Variants in MYH11 observed in about 807,000 individuals in gnomAD.
MYH11 encodes the protein myosin-11.
In MYH11, 80 loss-of-function variants were observed where a neutral mutation model predicts 246.6. That is an observed-to-expected ratio of 0.32 (90% confidence interval 0.27 to 0.39). MYH11 has a LOEUF of 0.39. Among genes scored for constraint, MYH11 ranks in the 10% least tolerant of loss-of-function variants. The pLI is 1.00. For missense variants in MYH11, 2,158 were observed against 2,546.8 expected (o/e 0.85, Z 3.29); for synonymous variants, 1,071 against 1,015.5 (o/e 1.05, Z -1.04).
Position 15,719,603 on chromosome 16 carries a change from G to T in MYH11, c.5064C>A (p.Asp1688Glu), listed in dbSNP as rs751375975. 3 of 1,614,050 alleles carry T rather than the reference G, an allele frequency of 1.9e-6. No homozygotes were observed. The African/African-American group carries it at 4.0e-5, about 22-fold the overall frequency. Residue 1688 changes from aspartate (D) to glutamate (E), a missense_variant, in exon 35 of 41, where the codon GAC becomes GAA. Around this residue, in one of 11 missense-constraint regions of MYH11, gnomAD observed 1,013 missense variants for 993.5 expected, o/e 1.02. Coordinates refer to ENST00000300036, the MANE Select transcript of MYH11 (RefSeq NM_002474.3). ...NEKKAKSLEA[D>E]LMQLQEDLAA... ...GCTTTACCTCTTGTAGCTGCATGAG[G>T]TCTGCTTCCAAGCTCTTGGCTTTCT...
chr16:15,732,436 T>A, intron 27 of MYH11, 128 bp downstream of exon 27: 2 of 1,360,434 alleles, frequency 1.5e-6, no homozygotes, highest in Non-Finnish European at 2.1e-6. Flanking sequence ...TATAAGCTGC[T>A]ATCATCATCA....
Position 15,703,957 on chromosome 16 carries a change from T to C in MYH11, c.*34A>G, listed in dbSNP as rs1293246149. 6.2e-7 allele frequency: 1 copy of C among 1,613,766 alleles called. No homozygotes were observed. The highest frequency in any genetic ancestry group is 2.2e-5 in the East Asian group (1 of 44,862). On this transcript the variant is annotated 3_prime_UTR_variant, in exon 41 of 41. Transcript: ENST00000300036. ...TTGTTTGTTTGTTTTGGTTTTTGGT[T>C]TTCTTGCCGTGGTGCAAAACTGTAG...
intron 36 of MYH11, 56 bp from the exon 37 acceptor site, chr16:15,718,494 C>T: frequency 6.5e-7 from 1 of 1,534,532 alleles, no homozygotes; most frequent in Non-Finnish European, 8.7e-7. Flanking sequence ...TTAAAAGATG[C>T]CCCCTCCTTG....
At chr16:15,856,088 T>C (rs2044460398) in intron 1 of MYH11, among the ~76,000 whole-genome samples, 2 of 152,276 alleles carry the variant, frequency 1.3e-5, no homozygotes, top group Admixed American at 6.5e-5. Context: ...GAGAGTGGCA[T>C]TGACACAGGT....
In MYH11 at chr16:15,724,259, T is replaced by A; in HGVS notation, c.4267A>T (p.Asn1423Tyr). The change falls in exon 31 of 41, where the codon AAC becomes TAC. Residue 1423 changes from asparagine (N) to tyrosine (Y), a missense_variant. Transcript: ENST00000300036. ...TCGTCCAGCTCCTGCTGAAGCCTGT[T>A]CTTGGTCTTTTCCAGTTTATCATAA... is the stretch of plus-strand genomic sequence containing the variant. ...AAYDKLEKTK[N>Y]RLQQELDDLV... is the part of the protein sequence containing the mutation. The A allele has an allele frequency of 6.2e-7, 1 of 1,614,200 alleles. No individual in the cohort carries two copies. Among genetic ancestry groups the A allele is most frequent in the Non-Finnish European group, 8.5e-7 (1 of 1,180,036 alleles).
chr16:15,763,741 T>TCCGG, intron 10 of MYH11, 55 bp downstream of exon 10: 20 of 646,842 alleles, frequency 3.1e-5, no homozygotes, highest in East Asian at 6.3e-5. Flanking sequence ...AAATGTCACC[T>TCCGG]CCCCCACCCC....
rs554624874 is a variant in MYH11 at position 15,762,173 on chromosome 16, C to T, written c.1130-1515G>A. ...TATTTTTAGTAGAGATGGGGTTTCA[C>T]CATGTTGGCGAGGCTGGTCTTGAAC... On this transcript the variant is annotated intron_variant, in intron 10 of 40. Transcript: ENST00000300036. Among the ~76,000 whole-genome samples, 7 of 152,248 alleles carry T rather than the reference C, an allele frequency of 4.6e-5. No homozygotes were observed. The East Asian group carries it at 1.4e-3, about 29-fold the overall frequency.
intron 20 of MYH11, among the ~76,000 whole-genome samples, 194 bp downstream of exon 20, chr16:15,744,935 A>G (rs1453680479): frequency 2.0e-5 from 3 of 152,232 alleles, no homozygotes; most frequent in Non-Finnish European, 4.4e-5. Context: ...ACTTTGTGTT[A>G]AGGTCCTGGC....
chr16:15,795,786 T>A (rs1269454777), intron 4 of MYH11, among the ~76,000 whole-genome samples: 3 of 152,190 alleles, frequency 2.0e-5, no homozygotes, highest in Non-Finnish European at 4.4e-5. Context: ...CATTTCATCC[T>A]TCCAACAACC....
intron 7 of MYH11, among the ~76,000 whole-genome samples, chr16:15,778,078 T>C (rs2151298282): frequency 6.6e-6 from 1 of 152,270 alleles, no homozygotes; most frequent in East Asian, 1.9e-4. Flanking sequence ...GCCTGAGCCC[T>C]AGGGCCGCCT....
Position 15,837,931 on chromosome 16 carries a change from G to A in MYH11, c.322C>T (p.Arg108Trp), listed in dbSNP as rs2043943581. The A allele has an allele frequency of 1.2e-6, 2 of 1,613,864 alleles. No individual in the cohort carries two copies. Among genetic ancestry groups the A allele is most frequent in the Non-Finnish European group, 1.7e-6 (2 of 1,179,836 alleles). ...EASVLHNLRE[R>W]YFSGLIYTYS... ...ACATATATTAGCCCTGAGAAGTACC[G>A]CTCCCTCAGGTTGTGTAGCACGGAG... Residue 108 changes from arginine to tryptophan, a missense_variant, in exon 2 of 41, where the codon CGG (arginine) becomes TGG (tryptophan). Physicochemically the swap from Arg to Trp is moderately radical, Grantham distance 101. Coordinates refer to ENST00000300036, the MANE Select transcript of MYH11 (RefSeq NM_002474.3).
At chr16:15,763,741 T>TCGGCCCCCCCCCCCCCC in intron 10 of MYH11, 55 bp downstream of exon 10, 3 of 646,850 alleles carry the variant, frequency 4.6e-6, no homozygotes, top group Admixed American at 2.1e-5. Flanking sequence ...AAATGTCACC[T>TCGGCCCCCCCCCCCCCC]CCCCCACCCC....
At chr16:15,786,515 G>T in intron 5 of MYH11, 115 bp downstream of exon 5, 1 of 992,834 alleles carries the variant, frequency 1.0e-6, no homozygotes, top group Non-Finnish European at 1.6e-6. Flanking sequence ...TCAGGGGAGG[G>T]GTAGTCAGAT....
At chr16:15,828,298 A>T (rs1157091726) in intron 2 of MYH11, among the ~76,000 whole-genome samples, 1 of 152,170 alleles carries the variant, frequency 6.6e-6, no homozygotes, top group East Asian at 1.9e-4. Context: ...AATCAATGTT[A>T]TTTAGTGACT....
intron 1 of MYH11, among the ~76,000 whole-genome samples, chr16:15,839,804 C>A (rs1229953443): frequency 2.6e-5 from 4 of 151,444 alleles, no homozygotes; most frequent in African/African-American, 9.8e-5. Context: ...AATCCCAGCA[C>A]TTTGGGAGGC....
At chr16:15,731,729 G>A (rs929439963) in intron 27 of MYH11, among the ~76,000 whole-genome samples, 1 of 151,974 alleles carries the variant, frequency 6.6e-6, no homozygotes, top group African/African-American at 2.4e-5. Context: ...CTGAGCTCAA[G>A]TGATTTGCCC....
At chr16:15,827,070 A>G (rs1167834252) in intron 2 of MYH11, among the ~76,000 whole-genome samples, 1 of 151,760 alleles carries the variant, frequency 6.6e-6, no homozygotes, top group African/African-American at 2.4e-5. Flanking sequence ...CCCTAAAAGG[A>G]GAATGAATGA....
At chr16:15,744,794 C>T (rs2041371766) in intron 20 of MYH11, among the ~76,000 whole-genome samples, 2 of 152,346 alleles carry the variant, frequency 1.3e-5, no homozygotes, top group South Asian at 2.1e-4. Flanking sequence ...TGAGCCGCCG[C>T]CCCCGGCAGC....
At chr16:15,835,239 T>C (rs923917063) in intron 2 of MYH11, among the ~76,000 whole-genome samples, 24 of 152,262 alleles carry the variant, frequency 1.6e-4, no homozygotes, top group Admixed American at 1.0e-3. Context: ...AGGGGTATCT[T>C]TGGGGCTTCC....
Sources: allele counts gnomAD v4.1 joint callset (sites outside exome capture counted in the v4.1 genomes callset), GRCh38; gene constraint gnomAD v4.1.1; regional missense constraint gnomAD v4.1.1; transcripts MANE v1.5; gene names NCBI Gene and HGNC (gene_info 2026-07-23, HGNC 2026-07-21).